The following ALPK3 variants were observed in gnomAD, a reference collection of about 807,000 sequenced individuals.
The protein encoded by ALPK3 is alpha kinase 3, also known as alpha-protein kinase 3.
Under a neutral mutation model 140.0 loss-of-function variants are expected in ALPK3, and 102 were observed. The observed-to-expected ratio is 0.73, with a 90% CI of 0.62 to 0.86. ALPK3 has a LOEUF of 0.86. ALPK3 is among the 40% of genes least tolerant of loss of function. The pLI, the probability that ALPK3 is intolerant of heterozygous loss-of-function variation, is 0.00. For synonymous variants in ALPK3, 938 were observed against 898.5 expected (o/e 1.04, Z -0.79); for missense variants, 2,254 against 2,208.2 (o/e 1.02, Z -0.42).
Position 84,873,055 on chromosome 15 carries a change from C to A in ALPK3, c.*4599C>A, listed in dbSNP as rs1964092792. ...TCCATGCCCTATCCCTTACGATGAGCGCCCTATTTTGTTCCTTCTGTCTAT... is the reference window on the plus strand; with the variant it reads ...TCCATGCCCTATCCCTTACGATGAGAGCCCTATTTTGTTCCTTCTGTCTAT... On this transcript the variant is annotated 3_prime_UTR_variant, in exon 14 of 14. Coordinates refer to ENST00000258888, the MANE Select transcript of ALPK3 (RefSeq NM_020778.5). 1 of 152,138 alleles carries A rather than the reference C, an allele frequency of 6.6e-6. No homozygotes were observed. The highest frequency in any genetic ancestry group is 1.5e-5 in the Non-Finnish European group (1 of 68,046). The allele number at this position is 152,138 out of a possible 1,614,324, so 9.4% of individuals were successfully genotyped here. A position where few individuals can be genotyped will look rare whatever the true frequency, so the allele number is the denominator to read the frequency against.
intron 3 of ALPK3, among the ~76,000 whole-genome samples, chr15:84,829,621 G>A (rs1204496945): frequency 1.3e-5 from 2 of 152,188 alleles, no homozygotes; most frequent in Non-Finnish European, 2.9e-5. Context: ...GTGCACATGC[G>A]CAGTAGCTGT....
intron 5 of ALPK3, among the ~76,000 whole-genome samples, chr15:84,842,292 C>G (rs1253692942): frequency 6.6e-6 from 1 of 152,264 alleles, no homozygotes; most frequent in East Asian, 1.9e-4. Context: ...CCTCAGCCTC[C>G]CAAAATGTTG....
chr15:84,858,983 C>A (rs1000774457), intron 6 of ALPK3, among the ~76,000 whole-genome samples: 1 of 152,174 alleles, frequency 6.6e-6, no homozygotes, highest in Non-Finnish European at 1.5e-5. Flanking sequence ...CAACTGCTGT[C>A]TGCGTCCTCA....
intron 3 of ALPK3, among the ~76,000 whole-genome samples, chr15:84,833,749 C>T (rs546866439): frequency 6.6e-6 from 1 of 152,318 alleles, no homozygotes; most frequent in East Asian, 1.9e-4. Flanking sequence ...GTGATGGAAG[C>T]CCTTGGGGTC....
intron 9 of ALPK3, among the ~76,000 whole-genome samples, chr15:84,860,619 G>C (rs1345531982): frequency 2.0e-5 from 3 of 152,228 alleles, no homozygotes; most frequent in Non-Finnish European, 4.4e-5. Flanking sequence ...GCTAAGGCTT[G>C]GGACTGTGAA....
chr15:84,862,506 G>A (rs550383278), intron 9 of ALPK3, 129 bp from the exon 10 acceptor site: 11 of 1,123,000 alleles, frequency 9.8e-6, no homozygotes, highest in Non-Finnish European at 1.4e-5. Flanking sequence ...CAAAGAGCAG[G>A]CGTGGACGGA....
chr15:84,828,335 G>A (rs762920237), intron 3 of ALPK3, among the ~76,000 whole-genome samples: 8 of 152,178 alleles, frequency 5.3e-5, no homozygotes, highest in African/African-American at 1.9e-4. Context: ...TCCTTGGAAG[G>A]GGAAGATAAT....
rs1050927540 is a variant in ALPK3, at chr15:84,871,021, G to C, written c.*2565G>C. ...TATTCTCCAAAGTCCAGTGTCATTAGGGATAATCTCCCTCTTTCAGTTTTA... is the reference window on the plus strand; with the variant it reads ...TATTCTCCAAAGTCCAGTGTCATTACGGATAATCTCCCTCTTTCAGTTTTA... On this transcript the variant is annotated 3_prime_UTR_variant, in exon 14 of 14. Transcript: ENST00000258888. 3 of 152,584 alleles carry C rather than the reference G, an allele frequency of 2.0e-5. No individual in the cohort carries two copies. Among genetic ancestry groups the C allele is most frequent in the Non-Finnish European group, 4.4e-5 (3 of 68,038 alleles). 9.5% of individuals were successfully genotyped at this position (152,584 alleles called of 1,614,324 possible).
chr15:84,848,948 C>T (rs990573416), intron 5 of ALPK3, among the ~76,000 whole-genome samples: 3 of 152,002 alleles, frequency 2.0e-5, no homozygotes, highest in Non-Finnish European at 4.4e-5. Context: ...TCGAGACCAG[C>T]CTGACCAACA....
rs1450846320 is a variant in ALPK3, at chr15:84,869,265, C to G, written c.*809C>G. The G allele has an allele frequency of 6.6e-6, 1 of 152,482 alleles. No homozygotes were observed. The highest frequency in any genetic ancestry group is 2.4e-5 in the African/African-American group (1 of 41,450). The allele number at this position is 152,482 out of a possible 1,614,324, so 9.4% of individuals were successfully genotyped here. On this transcript the variant is annotated 3_prime_UTR_variant, in exon 14 of 14. Coordinates refer to ENST00000258888, the MANE Select transcript of ALPK3 (RefSeq NM_020778.5). ...CCAATACCCAGGTGAGGAACAGACC[C>G]TCTGGCCTCTCACCCCACTTCAGTG...
At chr15:84,848,877 C>A (rs148085524) in intron 5 of ALPK3, among the ~76,000 whole-genome samples, 1 of 152,292 alleles carries the variant, frequency 6.6e-6, no homozygotes, top group East Asian at 1.9e-4. Context: ...TGCAGTGGCT[C>A]ACACCTGTAA....
intron 1 of ALPK3, among the ~76,000 whole-genome samples, chr15:84,822,851 T>A: frequency 6.6e-6 from 1 of 152,254 alleles, no homozygotes; most frequent in Non-Finnish European, 1.5e-5. Context: ...TAACCATACT[T>A]TAACATATTA....
At position 84,839,834 on chromosome 15, in the gene ALPK3, G is replaced by C; in HGVS notation, c.555G>C (p.Leu185Phe). 6.2e-7 allele frequency: 1 copy of C among 1,614,126 alleles called. No homozygotes were observed. Among genetic ancestry groups the C allele is most frequent in the Non-Finnish European group, 8.5e-7 (1 of 1,180,040 alleles). ...TCCACCAGCGCTGGTTCGCCAAGTT[G>C]AAGCGCAAGGCTGCGGCAAAGCTGC... ...YKIHQRWFAK[L>F]KRKAAAKLRE... Residue 185 changes from leucine to phenylalanine, a missense_variant, in exon 5 of 14, where the codon TTG becomes TTC. Physicochemically the swap from Leu to Phe is conservative, Grantham distance 22. This residue lies in a region of ALPK3 where 2,088 missense variants were observed against 2,022.9 expected (regional missense o/e 1.03). Coordinates refer to ENST00000258888, the MANE Select transcript of ALPK3 (RefSeq NM_020778.5).
rs76992952 is a variant in ALPK3, at chr15:84,824,785, G to C, written c.182+1417G>C. Reference sequence around the variant, plus strand: ...TCTGTGATATCCTTGTGAAGTCATGGAGTTGGAAGGACTTGTCAGGGTTGG... The same window carrying C: ...TCTGTGATATCCTTGTGAAGTCATGCAGTTGGAAGGACTTGTCAGGGTTGG... On this transcript the variant is annotated intron_variant, in intron 2 of 13. Coordinates refer to ENST00000258888, the MANE Select transcript of ALPK3 (RefSeq NM_020778.5). Among the ~76,000 whole-genome samples, 589 of 152,322 alleles carry C rather than the reference G, an allele frequency of 3.9e-3. 1 individual carries two copies. Among genetic ancestry groups the C allele is most frequent in the African/African-American group, 0.013 (546 of 41,576 alleles).
At position 84,857,577 on chromosome 15, in the gene ALPK3, C is replaced by T; in HGVS notation, c.2839C>T (p.Pro947Ser). 6.4e-6 allele frequency: 10 copies of T among 1,573,712 alleles called. No homozygotes were observed. Among genetic ancestry groups the T allele is most frequent in the Non-Finnish European group, 8.6e-6 (10 of 1,158,794 alleles). Reference sequence around the variant, plus strand: ...GGTACCAGATGTGGAGGGGCGGACCCCAGGTCCCCGGAGCTGTGACCCTGG... The same window carrying T: ...GGTACCAGATGTGGAGGGGCGGACCTCAGGTCCCCGGAGCTGTGACCCTGG... ...AQVPDVEGRT[P>S]GPRSCDPGLI... Residue 947 changes from proline (P) to serine (S), a missense_variant, in exon 6 of 14, where the codon CCA (proline) becomes TCA (serine). Around this residue, in one of 3 missense-constraint regions of ALPK3, gnomAD observed 2,088 missense variants for 2,022.9 expected, o/e 1.03. Transcript: ENST00000258888.
In ALPK3 at chr15:84,868,301, C is replaced by T; in HGVS notation, c.4963C>T (p.Gln1655Ter). The T allele has an allele frequency of 2.5e-6, 4 of 1,614,100 alleles. No individual in the cohort carries two copies. Among genetic ancestry groups the T allele is most frequent in the Non-Finnish European group, 3.4e-6 (4 of 1,179,966 alleles). The change falls in exon 14 of 14, where the codon CAG becomes TAG. Residue 1655 changes from glutamine (Q) to a stop codon, truncating the protein, a stop_gained. Coordinates refer to ENST00000258888, the MANE Select transcript of ALPK3 (RefSeq NM_020778.5). LOFTEE classifies it high-confidence loss of function. The stretch of plus-strand genomic sequence containing the variant: ...CAGGAAAGGCTCCCAGCTGAGTCCT[C>T]AGCCCCAGAAGAAAGGCCTCCCTAG... The part of the protein sequence containing the change: ...AGRKGSQLSP[Q>*]PQKKGLPSPQ...
Position 84,857,577 on chromosome 15 carries a change from C to G in ALPK3, c.2839C>G (p.Pro947Ala). The part of the protein sequence containing the change: ...AQVPDVEGRT[P>A]GPRSCDPGLI... ...GGTACCAGATGTGGAGGGGCGGACC[C>G]CAGGTCCCCGGAGCTGTGACCCTGG... The change falls in exon 6 of 14, where the codon CCA (proline) becomes GCA (alanine). Residue 947 changes from proline to alanine, a missense_variant. Around this residue, in one of 3 missense-constraint regions of ALPK3, gnomAD observed 2,088 missense variants for 2,022.9 expected, o/e 1.03. Coordinates refer to ENST00000258888, the MANE Select transcript of ALPK3 (RefSeq NM_020778.5). 6.4e-7 allele frequency: 1 copy of G among 1,573,712 alleles called. No individual in the cohort carries two copies. The highest frequency in any genetic ancestry group is 8.6e-7 in the Non-Finnish European group (1 of 1,158,794).
At position 84,864,432 on chromosome 15, in the gene ALPK3, CTA is replaced by C; in HGVS notation, c.4500-8_4500-7del. 3.1e-6 allele frequency: 5 copies of C among 1,610,978 alleles called. No individual in the cohort carries two copies. The highest frequency in any genetic ancestry group is 4.2e-6 in the Non-Finnish European group (5 of 1,177,322). Reference sequence around the variant, plus strand: ...ACTTCCTGCTTACTGCAGGGTGAAACTATGTTTAGGATCATCCCACTGTATCT... The same window carrying C: ...ACTTCCTGCTTACTGCAGGGTGAAACTGTTTAGGATCATCCCACTGTATCT... On this transcript the variant is annotated splice_polypyrimidine_tract_variant and splice_region_variant and intron_variant, in intron 11 of 13. Transcript: ENST00000258888.
In ALPK3 at chr15:84,856,556, C is replaced by G; in HGVS notation, c.1818C>G (p.Ser606Arg). The G allele has an allele frequency of 6.2e-7, 1 of 1,614,054 alleles. No homozygotes were observed. Residue 606 changes from serine to arginine, a missense_variant, in exon 6 of 14, where the codon AGC becomes AGG. Coordinates refer to ENST00000258888, the MANE Select transcript of ALPK3 (RefSeq NM_020778.5). ...CATCTGCTAACCAGAGAACTGGAAG[C>G]AAGAAGAATGTGCAGGCAGATGGGA... ...GRTSANQRTGSKKNVQADGKI... is the reference protein window; with the variant it reads ...GRTSANQRTGRKKNVQADGKI...
Sources: allele counts gnomAD v4.1 joint callset (sites outside exome capture counted in the v4.1 genomes callset), GRCh38; gene constraint gnomAD v4.1.1; regional missense constraint gnomAD v4.1.1; transcripts MANE v1.5; gene names NCBI Gene and HGNC (gene_info 2026-07-23, HGNC 2026-07-21).